The following KCNG4 variants were observed in gnomAD, a reference collection of about 807,000 sequenced individuals.
The protein encoded by KCNG4 is voltage-gated potassium channel regulatory subunit KCNG4.
A neutral mutation model predicts 28.2 loss-of-function variants in KCNG4; 30 were observed. That is an observed-to-expected ratio of 1.06 (90% CI 0.80 to 1.44). The LOEUF is 1.44. Ranked by LOEUF, KCNG4 falls within the 40% of genes most tolerant of loss-of-function variation. The pLI is 0.00. For synonymous variants in KCNG4, 375 were observed against 315.5 expected, an observed-to-expected ratio of 1.19 and a Z score of -2.00; for missense variants, 879 against 712.3, an observed-to-expected ratio of 1.23 and a Z score of -2.66.
chr16:84,230,448 T>A (rs1001399860), intron 2 of KCNG4, among the ~76,000 whole-genome samples: 4 of 136,000 alleles, frequency 2.9e-5, no homozygotes, highest in African/African-American at 8.5e-5. Context: ...GGTGGGCGCC[T>A]GTAGTCGCAG....
At chr16:84,230,332 GAGGC>G (rs1255662289) in intron 2 of KCNG4, among the ~76,000 whole-genome samples, 93 of 149,392 alleles carry the variant, frequency 6.2e-4, no homozygotes, top group African/African-American at 2.2e-3. Context: ...TTGAACTCAG[GAGGC>G]AGACGTTGCA....
chr16:84,221,926 A>C lies in KCNG4; in HGVS notation c.*291T>G. On this transcript the variant is annotated 3_prime_UTR_variant, in exon 3 of 3. Coordinates refer to ENST00000308251, the MANE Select transcript of KCNG4 (RefSeq NM_172347.3). ...TGGGATGTTAAAGCCTCTGCTGGGA[A>C]GGAAAAGAGAATGAAAGGAGACTGA... The C allele has an allele frequency of 5.0e-6, 2 of 400,266 alleles. No homozygotes were observed. The highest frequency in any genetic ancestry group is 9.0e-6 in the Non-Finnish European group (2 of 221,252). The allele number at this position is 400,266 out of a possible 1,614,324, so 24.8% of individuals were successfully genotyped here.
At chr16:84,228,298 C>T (rs976495565) in intron 2 of KCNG4, among the ~76,000 whole-genome samples, 7 of 152,196 alleles carry the variant, frequency 4.6e-5, no homozygotes, top group African/African-American at 7.2e-5. Flanking sequence ...AACGTGGCCA[C>T]CTCTCACTTC....
At chr16:84,234,169 C>T (rs1342050329) in intron 2 of KCNG4, among the ~76,000 whole-genome samples, 2 of 152,140 alleles carry the variant, frequency 1.3e-5, no homozygotes, top group East Asian at 3.9e-4. Flanking sequence ...TGCCTCTTCC[C>T]TTCTCCACTG....
At chr16:84,225,855 G>T (rs752773781) in intron 2 of KCNG4, among the ~76,000 whole-genome samples, 1 of 152,236 alleles carries the variant, frequency 6.6e-6, no homozygotes, top group Non-Finnish European at 1.5e-5. Context: ...ATCAGGCTCT[G>T]CTGTGCATCC....
rs1418069007 is a variant in KCNG4 at position 84,237,251 on chromosome 16, G to C, written c.235C>G (p.Arg79Gly). ...TTGCTCAGGCGGCTCAGCGGGAACC[G>C]GTCCAGTGTGCTCCAGGGGAGGAGA... ...RYLLPWSTLD[R>G]FPLSRLSKLR... The change falls in exon 2 of 3, where the codon CGG becomes GGG. Residue 79 changes from arginine (R) to glycine (G), a missense_variant. By Grantham distance (125) the Arg-to-Gly change is moderately radical. Transcript: ENST00000308251. The C allele has an allele frequency of 1.2e-6, 2 of 1,613,636 alleles. No homozygotes were observed. The highest frequency in any genetic ancestry group is 1.3e-5 in the African/African-American group (1 of 75,018).
intron 2 of KCNG4, among the ~76,000 whole-genome samples, chr16:84,226,000 A>G (rs1168128838): frequency 1.3e-5 from 2 of 152,218 alleles, no homozygotes; most frequent in Admixed American, 1.3e-4. Context: ...GAAAGAAGGA[A>G]AGAAAAAAGT....
At chr16:84,234,878 C>A (rs969239650) in intron 2 of KCNG4, among the ~76,000 whole-genome samples, 2 of 152,150 alleles carry the variant, frequency 1.3e-5, no homozygotes, top group African/African-American at 2.4e-5. Context: ...CAAAGACTGC[C>A]CCGTCCTCAG....
At position 84,222,062 on chromosome 16, in the gene KCNG4, A is replaced by T; in HGVS notation, c.*155T>A. ...CGGGGCCCCGAGGGACAAGGATCAC[A>T]GACACACAGCCTCTGTGGCCTTATG... On this transcript the variant is annotated 3_prime_UTR_variant, in exon 3 of 3. Transcript: ENST00000308251. 1.2e-6 allele frequency: 1 copy of T among 840,714 alleles called. No individual in the cohort carries two copies. The highest frequency in any genetic ancestry group is 2.5e-5 in the East Asian group (1 of 40,628). The allele number at this position is 840,714 out of a possible 1,614,324, so 52.1% of individuals were successfully genotyped here. A position where few individuals can be genotyped will look rare whatever the true frequency, so the allele number is the denominator to read the frequency against.
At chr16:84,227,076 A>C (rs1453163206) in intron 2 of KCNG4, among the ~76,000 whole-genome samples, 1 of 152,262 alleles carries the variant, frequency 6.6e-6, no homozygotes, top group Non-Finnish European at 1.5e-5. Context: ...TAGGATGGCT[A>C]AAATCATAAA....
At chr16:84,234,024 C>T (rs1042351426) in intron 2 of KCNG4, among the ~76,000 whole-genome samples, 5 of 152,184 alleles carry the variant, frequency 3.3e-5, no homozygotes, top group African/African-American at 1.2e-4. Context: ...GAAATGCCAG[C>T]CTCACGAGCG....
rs1904487588 is a variant in KCNG4 at position 84,218,712 on chromosome 16, A to G, written c.*3505T>C. The G allele has an allele frequency of 2.0e-5, 3 of 152,252 alleles. No individual in the cohort carries two copies. The allele number at this position is 152,252 out of a possible 1,614,324, so 9.4% of individuals were successfully genotyped here. On this transcript the variant is annotated 3_prime_UTR_variant, in exon 3 of 3. Coordinates refer to ENST00000308251, the MANE Select transcript of KCNG4 (RefSeq NM_172347.3). ...AGCGTTTAATTAAGCCCCACATGCGAGCAATCAATTCCAATTTTCCATGTC... is the reference window on the plus strand; with the variant it reads ...AGCGTTTAATTAAGCCCCACATGCGGGCAATCAATTCCAATTTTCCATGTC...
At chr16:84,227,603 C>CA (rs1341561373) in intron 2 of KCNG4, among the ~76,000 whole-genome samples, 1 of 151,874 alleles carries the variant, frequency 6.6e-6, no homozygotes, top group South Asian at 2.1e-4. Flanking sequence ...AAACAAAACC[C>CA]AAAAAAACTT....
At chr16:84,237,989 C>T (rs1294335267) in intron 1 of KCNG4, among the ~76,000 whole-genome samples, 1 of 152,258 alleles carries the variant, frequency 6.6e-6, no homozygotes, top group Middle Eastern at 3.4e-3. Flanking sequence ...TGGCAGGGAC[C>T]GATCCCTTAC....
chr16:84,238,170 C>T (rs1414254125), intron 1 of KCNG4, among the ~76,000 whole-genome samples: 1 of 152,164 alleles, frequency 6.6e-6, no homozygotes, highest in Non-Finnish European at 1.5e-5. Context: ...TGCCTGGCTT[C>T]CCCTAACTCA....
chr16:84,236,883 G>T lies in KCNG4; in HGVS notation c.603C>A (p.Gly201=). 6.2e-7 allele frequency: 1 copy of T among 1,613,486 alleles called. No individual in the cohort carries two copies. Among genetic ancestry groups the T allele is most frequent in the Non-Finnish European group, 8.5e-7 (1 of 1,180,004 alleles). ...TCTCGCGCAGCCGGTTCATGCACAGGCCCCAGCGCGAGGAGTGCGAGGCGG... is the reference window on the plus strand; with the variant it reads ...TCTCGCGCAGCCGGTTCATGCACAGTCCCCAGCGCGAGGAGTGCGAGGCGG... The part of the protein sequence containing the change: ...RRPASHSSRW[G]LCMNRLREMV... Residue 201 remains glycine (G), a synonymous_variant, in exon 2 of 3, where the codon GGC becomes GGA. Coordinates refer to ENST00000308251, the MANE Select transcript of KCNG4 (RefSeq NM_172347.3).
rs1904554877 is a variant in KCNG4, at chr16:84,221,449, G to C, written c.*768C>G. The C allele has an allele frequency of 1.3e-5, 2 of 152,196 alleles. No individual in the cohort carries two copies. The highest frequency in any genetic ancestry group is 2.9e-5 in the Non-Finnish European group (2 of 68,088). 9.4% of individuals were successfully genotyped at this position (152,196 alleles called of 1,614,324 possible). A position where few individuals can be genotyped will look rare whatever the true frequency, so the allele number is the denominator to read the frequency against. On this transcript the variant is annotated 3_prime_UTR_variant, in exon 3 of 3. Coordinates refer to ENST00000308251, the MANE Select transcript of KCNG4 (RefSeq NM_172347.3). ...CACCAAGAGTCCAGGCGGCCAGGGA[G>C]GGCCTGGCTGTGCTGGAAAGTGGAG...
intron 2 of KCNG4, among the ~76,000 whole-genome samples, chr16:84,233,938 C>T (rs1408939992): frequency 7.2e-5 from 11 of 152,094 alleles, no homozygotes; most frequent in Non-Finnish European, 1.5e-4. Context: ...GCCTCGGTTT[C>T]CTCATCTGTA....
At chr16:84,230,020 G>T (rs992411356) in intron 2 of KCNG4, among the ~76,000 whole-genome samples, 66 of 152,192 alleles carry the variant, frequency 4.3e-4, no homozygotes, top group African/African-American at 1.5e-3. Context: ...TTACTAAAGG[G>T]TGAGGAGGCA....
Sources: gnomAD v4.1 joint callset for allele counts (sites outside exome capture counted in the v4.1 genomes callset) on GRCh38, gnomAD v4.1.1 for gene constraint, MANE v1.5 for transcripts, NCBI Gene and HGNC (gene_info 2026-07-23, HGNC 2026-07-21) for gene names.